UBE2E1: variants seen among roughly 807,000 people sequenced by gnomAD.
UBE2E1 encodes ubiquitin conjugating enzyme E2 E1.
UBE2E1 carries 6 observed loss-of-function variants against 21.4 expected under a neutral mutation model. The ratio of observed to expected loss-of-function variants is 0.28; its 90% CI spans 0.15 to 0.55. The LOEUF is 0.55. UBE2E1 is among the 20% of genes least tolerant of loss of function. UBE2E1 has a pLI of 0.93. For synonymous variants in UBE2E1, 87 were observed against 82.7 expected, an observed-to-expected ratio of 1.05 and a Z score of -0.28; for missense variants, 142 against 236.5, an observed-to-expected ratio of 0.60 and a Z score of 2.62.
chr3:23,822,956 C>T (rs1277404385), intron 3 of UBE2E1, among the ~76,000 whole-genome samples: 1 of 151,894 alleles, frequency 6.6e-6, no homozygotes, highest in Admixed American at 6.6e-5. Context: ...TAGCGATTCT[C>T]CTGTCTCAGT....
intron 3 of UBE2E1, among the ~76,000 whole-genome samples, chr3:23,845,774 A>C (rs1379256970): frequency 2.0e-5 from 3 of 152,182 alleles, no homozygotes; most frequent in African/African-American, 4.8e-5. Flanking sequence ...CCCATAGTAC[A>C]AAAGCAGCCA....
chr3:23,888,225 C>T (rs1701237635), intron 4 of UBE2E1: 1 of 457,036 alleles, frequency 2.2e-6, no homozygotes, highest in South Asian at 1.5e-5. Flanking sequence ...TGGTCTTGTT[C>T]CTTTACCTCC....
At chr3:23,843,230 A>T (rs1700131563) in intron 3 of UBE2E1, among the ~76,000 whole-genome samples, 1 of 152,148 alleles carries the variant, frequency 6.6e-6, no homozygotes, top group Non-Finnish European at 1.5e-5. Flanking sequence ...TAATACCTGG[A>T]CTTAGTTTGT....
Position 23,890,764 on chromosome 3 carries a change from G to A in UBE2E1, c.*158G>A, listed in dbSNP as rs1428177689. Reference sequence around the variant, plus strand: ...TCCTAAGATTTTGTTGTAACTTAAGGTATCTTGCTACAGTAGACAGAATTG... The same window carrying A: ...TCCTAAGATTTTGTTGTAACTTAAGATATCTTGCTACAGTAGACAGAATTG... On this transcript the variant is annotated 3_prime_UTR_variant, in exon 6 of 6. Coordinates refer to ENST00000306627, the MANE Select transcript of UBE2E1 (RefSeq NM_003341.5). 3.3e-6 allele frequency: 2 copies of A among 600,856 alleles called. No homozygotes were observed. Among genetic ancestry groups the A allele is most frequent in the Non-Finnish European group, 5.2e-6 (2 of 381,420 alleles). 37.2% of individuals were successfully genotyped at this position (600,856 alleles called of 1,614,324 possible).
chr3:23,811,702 G>A (rs140724968), intron 3 of UBE2E1, among the ~76,000 whole-genome samples, 192 bp downstream of exon 3: 12 of 152,276 alleles, frequency 7.9e-5, no homozygotes, highest in African/African-American at 2.9e-4. Flanking sequence ...CAGTACTGTT[G>A]AGAAGAAGTA....
At chr3:23,873,367 G>A (rs1411030356) in intron 3 of UBE2E1, among the ~76,000 whole-genome samples, 1 of 152,188 alleles carries the variant, frequency 6.6e-6, no homozygotes, top group African/African-American at 2.4e-5. Context: ...ACTGAGGGAA[G>A]GTACAGGGAG....
chr3:23,824,603 C>G (rs183532137), intron 3 of UBE2E1, among the ~76,000 whole-genome samples: 1 of 152,332 alleles, frequency 6.6e-6, no homozygotes, highest in East Asian at 1.9e-4. Context: ...TCAAGCCCCT[C>G]AAGGAGCATT....
chr3:23,889,060 A>G, intron 4 of UBE2E1, 52 bp from the exon 5 acceptor site: 2 of 1,533,496 alleles, frequency 1.3e-6, no homozygotes, highest in Non-Finnish European at 1.8e-6. Flanking sequence ...TTGAATATTT[A>G]GTAACAAGTT....
At chr3:23,819,075 G>T (rs1323512673) in intron 3 of UBE2E1, among the ~76,000 whole-genome samples, 1 of 152,166 alleles carries the variant, frequency 6.6e-6, no homozygotes, top group African/African-American at 2.4e-5. Flanking sequence ...ATGAGGTCAG[G>T]AGATTGAGAC....
intron 3 of UBE2E1, among the ~76,000 whole-genome samples, chr3:23,840,745 A>G (rs1700068219): frequency 6.6e-6 from 1 of 152,100 alleles, no homozygotes; most frequent in African/African-American, 2.4e-5. Flanking sequence ...TGCTTAGGTA[A>G]ATACTTGACG....
In UBE2E1 at chr3:23,843,667, A is replaced by C. The variant is rs141754664; in HGVS notation, c.203+32157A>C. On this transcript the variant is annotated intron_variant, in intron 3 of 5. Coordinates refer to ENST00000306627, the MANE Select transcript of UBE2E1 (RefSeq NM_003341.5). ...CCTTCCAACTCCCCCAGAGCATCCC[A>C]CATCATTAGCTTCACAAGCATCTTC... 8.4e-4 allele frequency among the ~76,000 whole-genome samples: 128 copies of C among 152,208 alleles called. 3 individuals are homozygous for C. The East Asian group carries it at 0.016, about 19-fold the overall frequency.
chr3:23,855,596 G>A (rs954933247), intron 3 of UBE2E1, among the ~76,000 whole-genome samples: 4 of 152,022 alleles, frequency 2.6e-5, no homozygotes, highest in East Asian at 1.9e-4. Flanking sequence ...TTGGGAGGCC[G>A]AGGTGGGCGG....
At chr3:23,885,577 C>G (rs1034387399) in intron 3 of UBE2E1, among the ~76,000 whole-genome samples, 1 of 152,150 alleles carries the variant, frequency 6.6e-6, no homozygotes, top group Non-Finnish European at 1.5e-5. Context: ...TAAAAAATCT[C>G]TGGCCGGGTG....
intron 3 of UBE2E1, among the ~76,000 whole-genome samples, chr3:23,812,046 A>G (rs1699405448): frequency 6.6e-6 from 1 of 152,150 alleles, no homozygotes; most frequent in East Asian, 1.9e-4. Context: ...TTAAACTTTC[A>G]TGGGGTGTTT....
In UBE2E1 at chr3:23,806,582, C is replaced by T. The variant is rs538811625; in HGVS notation, c.-34+494C>T. 2.0e-5 allele frequency among the ~76,000 whole-genome samples: 3 copies of T among 151,722 alleles called. No individual in the cohort carries two copies. The highest frequency in any genetic ancestry group is 2.9e-5 in the Non-Finnish European group (2 of 67,806). Reference sequence around the variant, plus strand: ...CGGGCGTGTGCTCCGGACCCCCGCCCGGCCGCATAGCTGTGAGCAGGGCGG... The same window carrying T: ...CGGGCGTGTGCTCCGGACCCCCGCCTGGCCGCATAGCTGTGAGCAGGGCGG... On this transcript the variant is annotated intron_variant, in intron 1 of 5. Coordinates refer to ENST00000306627, the MANE Select transcript of UBE2E1 (RefSeq NM_003341.5). This position sits in a 1 kb window ranked among gnomAD's most constrained non-coding sequence, Gnocchi z 6.5.
intron 4 of UBE2E1, 108 bp from the exon 5 acceptor site, chr3:23,889,004 G>A (rs918477587): frequency 2.7e-6 from 3 of 1,114,916 alleles, no homozygotes; most frequent in African/African-American, 3.2e-5. Context: ...CTTCTTGACA[G>A]CTTTAATTAA....
At chr3:23,844,433 A>C (rs1377679175) in intron 3 of UBE2E1, among the ~76,000 whole-genome samples, 7 of 152,170 alleles carry the variant, frequency 4.6e-5, no homozygotes, top group African/African-American at 1.7e-4. Flanking sequence ...TTGAACAGCC[A>C]CATAGTATTC....
At chr3:23,813,469 T>TA (rs958610494) in intron 3 of UBE2E1, among the ~76,000 whole-genome samples, 1 of 152,204 alleles carries the variant, frequency 6.6e-6, no homozygotes, top group Non-Finnish European at 1.5e-5. Context: ...TTTGTGCTGT[T>TA]ACCTTTTGGA....
chr3:23,807,196 C>A (rs1387737747), intron 1 of UBE2E1, 41 bp from the exon 2 acceptor site: 2 of 1,503,170 alleles, frequency 1.3e-6, no homozygotes, highest in Non-Finnish European at 1.8e-6. Flanking sequence ...ACACTGGCTG[C>A]ATGGTTTGTG....
Sources: gnomAD v4.1 joint callset for allele counts (sites outside exome capture counted in the v4.1 genomes callset) on GRCh38, gnomAD v4.1.1 for gene constraint, Gnocchi (gnomAD v3.1) non-coding constraint, MANE v1.5 for transcripts, NCBI Gene and HGNC (gene_info 2026-07-23, HGNC 2026-07-21) for gene names.